Variants in CACNG6 observed in about 807,000 individuals in gnomAD.
CACNG6 encodes voltage-dependent calcium channel gamma-6 subunit.
CACNG6 carries 21 observed loss-of-function variants against 23.9 expected under a neutral mutation model. The ratio of observed to expected loss-of-function variants is 0.88; its 90% CI spans 0.62 to 1.26. The LOEUF (loss-of-function observed/expected upper bound fraction) is 1.26. Ranked by LOEUF, CACNG6 falls within the 50% of genes most tolerant of loss-of-function variation. CACNG6 has a pLI of 0.00. For synonymous variants in CACNG6, 182 were observed against 168.9 expected (o/e 1.08, Z -0.60); for missense variants, 340 against 352.9 (o/e 0.96, Z 0.29).
At chr19:54,011,227 T>TACACACACAC (rs1555819814) in intron 3 of CACNG6, among the ~76,000 whole-genome samples, 28 of 95,286 alleles carry the variant, frequency 2.9e-4, no homozygotes, top group African/African-American at 1.6e-3. Context: ...TATATATATA[T>TACACACACAC]ACACACACAC....
Position 53,991,946 on chromosome 19 carries a change from G to A in CACNG6, c.-932G>A, listed in dbSNP as rs542910393. On this transcript the variant is annotated 5_prime_UTR_variant, in exon 1 of 4. It adds an upstream start codon to the 5' untranslated region. Transcript: ENST00000252729. ...CCGCAGTGCGGACCACAGCCCCATA[G>A]TGTGAGCCCCAGGAGGGCCCCCGGT... is the stretch of plus-strand genomic sequence containing the variant. Among the ~76,000 whole-genome samples the A allele has an allele frequency of 5.3e-4, 80 of 152,212 alleles. No individual in the cohort carries two copies. The highest frequency in any genetic ancestry group is 1.0e-3 in the South Asian group (5 of 4,818).
intron 2 of CACNG6, 96 bp downstream of exon 2, chr19:53,998,409 C>T: frequency 9.1e-7 from 1 of 1,102,966 alleles, no homozygotes; most frequent in Non-Finnish European, 1.3e-6. Context: ...TCTGCTTTAC[C>T]CCAGGGCAGG....
At chr19:54,008,335 AGAGT>A in intron 3 of CACNG6, among the ~76,000 whole-genome samples, 1 of 152,338 alleles carries the variant, frequency 6.6e-6, no homozygotes. Flanking sequence ...CCTGGATGAC[AGAGT>A]GAGATTCCGA....
chr19:54,000,731 A>G (rs2069566697), intron 3 of CACNG6, among the ~76,000 whole-genome samples: 1 of 152,010 alleles, frequency 6.6e-6, no homozygotes, highest in Admixed American at 6.6e-5. Flanking sequence ...AGCAGGCACC[A>G]CCACGCCTGG....
rs1555819785 is a variant in CACNG6, at chr19:54,011,205, A to AATATAT, written c.545-728_545-723dup. Among the ~76,000 whole-genome samples, 76 of 102,470 alleles carry AATATAT rather than the reference A, an allele frequency of 7.4e-4. 3 individuals carry two copies. Among genetic ancestry groups the AATATAT allele is most frequent in the South Asian group, 1.2e-3 (4 of 3,472 alleles). 67.2% of individuals were successfully genotyped at this position (102,470 alleles called of 152,430 possible). On this transcript the variant is annotated intron_variant, in intron 3 of 3. Transcript: ENST00000252729. The stretch of plus-strand genomic sequence containing the variant: ...CCGTCTCTACTAAAAAAAAAAAAAA[A>AATATAT]ATATATATATATATATATATATACA...
chr19:54,005,210 A>AAAAT (rs369829612), intron 3 of CACNG6, among the ~76,000 whole-genome samples: 23,308 of 132,630 alleles, frequency 0.18, 2,307 homozygotes, highest in South Asian at 0.25. Flanking sequence ...CTCCATCTCA[A>AAAAT]AAATAAATAA....
intron 1 of CACNG6, 50 bp downstream of exon 1, chr19:53,993,258 G>A (rs1331262564): frequency 6.7e-7 from 1 of 1,491,968 alleles, no homozygotes. Flanking sequence ...CGGACAGGGA[G>A]GGAGAGGGGC....
Position 53,991,893 on chromosome 19 carries a change from T to G in CACNG6, c.-985T>G, listed in dbSNP as rs367809247. Among the ~76,000 whole-genome samples the G allele has an allele frequency of 2.2e-4, 33 of 152,058 alleles. No individual in the cohort carries two copies. In the South Asian group the frequency reaches 6.8e-3, roughly 32 times the overall value. On this transcript the variant is annotated 5_prime_UTR_variant, in exon 1 of 4. Transcript: ENST00000252729. The stretch of plus-strand genomic sequence containing the variant: ...CGGGTCGCGGTTGGCCTTTGAACCC[T>G]GGGGGGACTCAGTCCTGGTTTTCCG...
intron 2 of CACNG6, 33 bp downstream of exon 2, chr19:53,998,346 G>A: frequency 6.3e-7 from 1 of 1,586,068 alleles, no homozygotes. Flanking sequence ...TGGGTGACAG[G>A]TGGGGGAAAT....
chr19:54,011,127 T>C (rs8100520), intron 3 of CACNG6, among the ~76,000 whole-genome samples: 1 of 144,494 alleles, frequency 6.9e-6, no homozygotes, highest in Admixed American at 7.2e-5. Context: ...CCGAGGTGGG[T>C]GGACCACTTG....
At chr19:54,009,899 GGGTGTAAGA>G (rs2069686801) in intron 3 of CACNG6, among the ~76,000 whole-genome samples, 1 of 150,548 alleles carries the variant, frequency 6.6e-6, no homozygotes. Flanking sequence ...ACTCCAGCCT[GGGTGTAAGA>G]GCGAAACTCC....
chr19:53,997,135 GCAGGGATTA>G (rs1324438799), intron 1 of CACNG6, among the ~76,000 whole-genome samples: 2 of 152,100 alleles, frequency 1.3e-5, no homozygotes, highest in Non-Finnish European at 2.9e-5. Flanking sequence ...CTCCCAAAGT[GCAGGGATTA>G]CAGGTGTGAG....
chr19:54,005,751 TTAAAA>T (rs79507810), intron 3 of CACNG6, among the ~76,000 whole-genome samples: 9,223 of 140,418 alleles, frequency 0.066, 374 homozygotes, highest in African/African-American at 0.08. Context: ...AGACTCCCTC[TTAAAA>T]TAAAATAAAA....
intron 2 of CACNG6, among the ~76,000 whole-genome samples, chr19:53,999,210 A>G (rs2069551337): frequency 6.6e-6 from 1 of 152,152 alleles, no homozygotes. Flanking sequence ...CTAAATTCCT[A>G]CTGGAATCTG....
chr19:53,995,583 T>C (rs991164697), intron 1 of CACNG6, among the ~76,000 whole-genome samples: 4 of 152,220 alleles, frequency 2.6e-5, no homozygotes, highest in African/African-American at 4.8e-5. Context: ...CACACTTCCC[T>C]TGTGGATGTA....
rs35192974 is a variant in CACNG6 at position 53,996,863 on chromosome 19, A to ATTTT, written c.332-1356_332-1353dup. ...CTATTGATTTTGTCTGATCTTTGGG[A>ATTTT]TTTTTTTTTTTTTTTTTTTTTTTGA... On this transcript the variant is annotated intron_variant, in intron 1 of 3. Transcript: ENST00000252729. Among the ~76,000 whole-genome samples, 222 of 98,556 alleles carry ATTTT rather than the reference A, an allele frequency of 2.3e-3. 1 individual carries two copies. The highest frequency in any genetic ancestry group is 4.0e-3 in the African/African-American group (91 of 22,906). The allele number at this position is 98,556 out of a possible 152,430, so 64.7% of individuals were successfully genotyped here.
intron 3 of CACNG6, among the ~76,000 whole-genome samples, chr19:54,000,064 C>T (rs79101181): frequency 0.025 from 3,812 of 152,164 alleles, 172 homozygotes; most frequent in African/African-American, 0.088. Context: ...CCCCAACAAC[C>T]GGGCTAAGGA....
In CACNG6 at chr19:53,991,991, G is replaced by C. The variant is rs1177375168; in HGVS notation, c.-887G>C. ...CCCGGTCCCATCTGCCCCAGCCCTCGGGGAGGCCCCGTAGCCTCCCGCCTC... is the reference window on the plus strand; with the variant it reads ...CCCGGTCCCATCTGCCCCAGCCCTCCGGGAGGCCCCGTAGCCTCCCGCCTC... On this transcript the variant is annotated 5_prime_UTR_variant, in exon 1 of 4. Coordinates refer to ENST00000252729, the MANE Select transcript of CACNG6 (RefSeq NM_145814.2). Among the ~76,000 whole-genome samples the C allele has an allele frequency of 6.6e-6, 1 of 151,626 alleles. No homozygotes were observed. Among genetic ancestry groups the C allele is most frequent in the Admixed American group, 6.5e-5 (1 of 15,276 alleles).
intron 3 of CACNG6, among the ~76,000 whole-genome samples, chr19:54,001,541 G>T (rs2069576192): frequency 6.6e-6 from 1 of 152,202 alleles, no homozygotes; most frequent in Non-Finnish European, 1.5e-5. Flanking sequence ...ACCCCCAGGG[G>T]TAATGCAGGT....
Sources: gnomAD v4.1 joint callset for allele counts (sites outside exome capture counted in the v4.1 genomes callset) on GRCh38, gnomAD v4.1.1 for gene constraint, MANE v1.5 for transcripts, NCBI Gene and HGNC (gene_info 2026-07-23, HGNC 2026-07-21) for gene names.